Variants in ATRNL1 observed in about 807,000 individuals in gnomAD.
The protein encoded by ATRNL1 is attractin-like protein 1.
Under a neutral mutation model 182.7 loss-of-function variants are expected in ATRNL1, and 95 were observed. The ratio of observed to expected loss-of-function variants is 0.52; its 90% CI spans 0.44 to 0.62. The LOEUF is 0.62. ATRNL1 is among the 20% of genes least tolerant of loss of function. The probability of loss-of-function intolerance (pLI) is 0.00; values close to 1 mark genes in which losing one functional copy is unlikely to be tolerated. For missense variants in ATRNL1, 1,471 were observed against 1,679.5 expected, an observed-to-expected ratio of 0.88 and a Z score of 2.17; for synonymous variants, 576 against 568.3, an observed-to-expected ratio of 1.01 and a Z score of -0.19.
intron 26 of ATRNL1, among the ~76,000 whole-genome samples, chr10:115,684,921 A>G (rs569872590): frequency 6.6e-6 from 1 of 151,760 alleles, no homozygotes; most frequent in East Asian, 1.9e-4. Flanking sequence ...TGTGGCTGTC[A>G]TCACAGAATA....
chr10:115,628,175 GA>G (rs1858235475), intron 26 of ATRNL1, among the ~76,000 whole-genome samples: 1 of 150,770 alleles, frequency 6.6e-6, no homozygotes, highest in African/African-American at 2.4e-5. Flanking sequence ...GAAAAAAAAA[GA>G]AATGAACCAT....
Position 115,265,216 on chromosome 10 carries a change from C to T in ATRNL1, c.1711C>T (p.Pro571Ser). 3 of 1,607,048 alleles carry T rather than the reference C, an allele frequency of 1.9e-6. No homozygotes were observed. Among genetic ancestry groups the T allele is most frequent in the Non-Finnish European group, 2.6e-6 (3 of 1,175,820 alleles). ...AGCTTGTGATGAATGGAAAATACTA[C>T]CAAAACCAAATCTTCATAGAGATGT... ...DIACDEWKIL[P>S]KPNLHRDVNR... Residue 571 changes from proline (P) to serine (S), a missense_variant, in exon 11 of 29, where the codon CCA becomes TCA. Transcript: ENST00000355044.
rs553545507 is a variant in ATRNL1 at position 115,801,315 on chromosome 10, A to T, written c.3904-46562A>T. Among the ~76,000 whole-genome samples the T allele has an allele frequency of 5.3e-4, 80 of 152,246 alleles. 1 individual carries two copies. The highest frequency in any genetic ancestry group is 8.1e-4 in the Non-Finnish European group (55 of 68,006). On this transcript the variant is annotated intron_variant, in intron 27 of 28. Transcript: ENST00000355044. ...TCTTTATGGCCACTTGAAAATCTTT[A>T]TTCCACTTAAGGTGGAATAGGGTAC...
intron 20 of ATRNL1, among the ~76,000 whole-genome samples, chr10:115,407,072 C>T (rs2134322976): frequency 6.6e-6 from 1 of 152,008 alleles, no homozygotes; most frequent in South Asian, 2.1e-4. Context: ...TTGTTCTTTT[C>T]CTTTAAAATA....
intron 15 of ATRNL1, among the ~76,000 whole-genome samples, chr10:115,289,825 T>C (rs951730896): frequency 3.5e-4 from 53 of 152,220 alleles, no homozygotes; most frequent in African/African-American, 1.2e-3. Context: ...TTGATAGCTC[T>C]AGCTTTGTTC....
In ATRNL1 at chr10:115,700,215, TG is replaced by T. The variant is rs1555051093; in HGVS notation, c.3796-27032del. Reference sequence around the variant, plus strand: ...TTGGATATATACCCAGTAATGGGATTGCTGGGTCAAATTGTAGTTCTGTTTT... The same window carrying T: ...TTGGATATATACCCAGTAATGGGATTCTGGGTCAAATTGTAGTTCTGTTTT... On this transcript the variant is annotated intron_variant, in intron 26 of 28. Transcript: ENST00000355044. Among the ~76,000 whole-genome samples, 199 of 152,310 alleles carry T rather than the reference TG, an allele frequency of 1.3e-3. 1 individual carries two copies. The highest frequency in any genetic ancestry group is 4.6e-3 in the African/African-American group (190 of 41,582).
At chr10:115,146,945 G>GTA (rs1308956933) in intron 5 of ATRNL1, among the ~76,000 whole-genome samples, 1 of 152,032 alleles carries the variant, frequency 6.6e-6, no homozygotes, top group East Asian at 1.9e-4. Flanking sequence ...GCAGGTGCAG[G>GTA]TATCTCTCTG....
intron 25 of ATRNL1, among the ~76,000 whole-genome samples, chr10:115,534,232 G>T (rs1851804811): frequency 6.6e-6 from 1 of 150,526 alleles, no homozygotes; most frequent in African/African-American, 2.4e-5. Context: ...TTATTGTGTG[G>T]GAGTCTAAGT....
intron 21 of ATRNL1, among the ~76,000 whole-genome samples, chr10:115,456,922 G>A (rs996673896): frequency 9.2e-5 from 14 of 152,136 alleles, no homozygotes; most frequent in African/African-American, 2.9e-4. Flanking sequence ...TTTTGCTCCC[G>A]TTGTTCGGTG....
chr10:115,818,292 G>C (rs969505186), intron 27 of ATRNL1, among the ~76,000 whole-genome samples: 1 of 150,656 alleles, frequency 6.6e-6, no homozygotes, highest in Admixed American at 6.6e-5. Context: ...AAAAGGTATA[G>C]ACTTTTATTA....
Position 115,252,679 on chromosome 10 carries a change from CCTT to C in ATRNL1, c.1687+10958_1687+10960del, listed in dbSNP as rs781935982. 1.1e-4 allele frequency among the ~76,000 whole-genome samples: 17 copies of C among 152,278 alleles called. 1 individual carries two copies. In the South Asian group the frequency reaches 2.3e-3, roughly 20 times the overall value. ...GAGTCCTTTTTCTTCTGGGGCTTGA[CCTT>C]CTTTAATTGACAGATCTTCTATAAT... On this transcript the variant is annotated intron_variant, in intron 10 of 28. Transcript: ENST00000355044.
At chr10:115,270,744 G>T (rs1489906416) in intron 13 of ATRNL1, among the ~76,000 whole-genome samples, 2 of 151,862 alleles carry the variant, frequency 1.3e-5, no homozygotes, top group Non-Finnish European at 2.9e-5. Flanking sequence ...ACTTTACTTG[G>T]TTTACCAATT....
At chr10:115,390,309 A>G (rs1327398008) in intron 19 of ATRNL1, among the ~76,000 whole-genome samples, 2 of 152,132 alleles carry the variant, frequency 1.3e-5, no homozygotes, top group Admixed American at 1.3e-4. Flanking sequence ...GTTTTCTTCT[A>G]CAGTTTTGGG....
At chr10:115,240,072 G>A (rs782620483) in intron 9 of ATRNL1, among the ~76,000 whole-genome samples, 3 of 152,016 alleles carry the variant, frequency 2.0e-5, no homozygotes, top group Admixed American at 6.5e-5. Flanking sequence ...ATTATCTATT[G>A]CCATAGACTA....
chr10:115,790,256 GAA>G (rs10551374), intron 27 of ATRNL1, among the ~76,000 whole-genome samples: 7,535 of 143,168 alleles, frequency 0.053, 506 homozygotes, highest in African/African-American at 0.16. Context: ...AGTTTAAAAA[GAA>G]AAAAAAAAAA....
rs149495290 is a variant in ATRNL1, at chr10:115,840,007, G to A, written c.3904-7870G>A. ...TTTATAACTTTGAGATTTACCTTGT[G>A]CACAATTTGGAAAAGGGAAAACAAA... On this transcript the variant is annotated intron_variant, in intron 27 of 28. Coordinates refer to ENST00000355044, the MANE Select transcript of ATRNL1 (RefSeq NM_207303.4). Among the ~76,000 whole-genome samples, 205 of 152,182 alleles carry A rather than the reference G, an allele frequency of 1.3e-3. 1 individual carries two copies. The highest frequency in any genetic ancestry group is 4.7e-3 in the African/African-American group (196 of 41,536).
intron 26 of ATRNL1, among the ~76,000 whole-genome samples, chr10:115,641,240 T>C (rs1318047348): frequency 1.3e-5 from 2 of 152,202 alleles, no homozygotes; most frequent in Non-Finnish European, 2.9e-5. Context: ...CTTTTAAAAT[T>C]CTTTGCCTAT....
At chr10:115,698,686 G>A (rs1201763583) in intron 26 of ATRNL1, among the ~76,000 whole-genome samples, 4 of 151,978 alleles carry the variant, frequency 2.6e-5, no homozygotes, top group African/African-American at 7.3e-5. Flanking sequence ...GCTGAGGCAG[G>A]AGAATCACTT....
At chr10:115,873,561 A>C (rs1363183889) in intron 28 of ATRNL1, among the ~76,000 whole-genome samples, 6 of 152,196 alleles carry the variant, frequency 3.9e-5, no homozygotes, top group Non-Finnish European at 8.8e-5. Flanking sequence ...ATATAGGTAT[A>C]TGTAGATTAT....
Sources: allele counts gnomAD v4.1 joint callset (sites outside exome capture counted in the v4.1 genomes callset), GRCh38; gene constraint gnomAD v4.1.1; transcripts MANE v1.5; gene names NCBI Gene and HGNC (gene_info 2026-07-23, HGNC 2026-07-21).